TRPC4: variants seen among roughly 807,000 people sequenced by gnomAD.
TRPC4 encodes the protein transient receptor potential cation channel subfamily C member 4.
A neutral mutation model predicts 99.4 loss-of-function variants in TRPC4; 49 were observed. The ratio of observed to expected loss-of-function variants is 0.49; its 90% confidence interval spans 0.39 to 0.63. The LOEUF (loss-of-function observed/expected upper bound fraction) is 0.63, where lower values mean the gene tolerates loss of function less well. Among genes scored for constraint, TRPC4 ranks in the 20% least tolerant of loss-of-function variants. The pLI, the probability that TRPC4 is intolerant of heterozygous loss-of-function variation, is 0.00. For synonymous variants in TRPC4, 454 were observed against 425.9 expected (o/e 1.07, Z -0.81); for missense variants, 898 against 1,152.9 (o/e 0.78, Z 3.20).
intron 1 of TRPC4, among the ~76,000 whole-genome samples, chr13:37,822,721 C>T (rs1267089553): frequency 6.6e-6 from 1 of 152,048 alleles, no homozygotes; most frequent in African/African-American, 2.4e-5. Flanking sequence ...AATAATGCCG[C>T]AATGAACATA....
At chr13:37,706,946 T>C (rs1349407787) in intron 3 of TRPC4, among the ~76,000 whole-genome samples, 1 of 152,128 alleles carries the variant, frequency 6.6e-6, no homozygotes, top group East Asian at 1.9e-4. Context: ...TGATACTATT[T>C]AAAATATAAT....
intron 1 of TRPC4, among the ~76,000 whole-genome samples, chr13:37,855,588 G>T (rs1959166529): frequency 1.3e-5 from 2 of 151,628 alleles, no homozygotes; most frequent in African/African-American, 4.8e-5. Context: ...TACATTCCTT[G>T]CTTCAGCCCA....
In TRPC4 at chr13:37,637,583, C is replaced by T; in HGVS notation, c.2254G>A (p.Gly752Arg). 8 of 1,603,086 alleles carry T rather than the reference C, an allele frequency of 5.0e-6. No individual in the cohort carries two copies. Among genetic ancestry groups the T allele is most frequent in the Non-Finnish European group, 6.8e-6 (8 of 1,176,648 alleles). ...GAAAGTTTGCTTCCTCTTAGTAATCCCAGGACTTCAAAGCGGAAACTAGAA... is the reference window on the plus strand; with the variant it reads ...GAAAGTTTGCTTCCTCTTAGTAATCTCAGGACTTCAAAGCGGAAACTAGAA... ...DISSFRFEVL[G>R]LLRGSKLSTI... The change falls in exon 11 of 11, where the codon GGA (glycine) becomes AGA (arginine). Residue 752 changes from glycine to arginine, a missense_variant. Gly to Arg is a moderately radical substitution (Grantham distance 125, BLOSUM62 -2). Around this residue, in one of 3 missense-constraint regions of TRPC4, gnomAD observed 346 missense variants for 351.4 expected, o/e 0.98. Transcript: ENST00000379705.
At chr13:37,724,948 TAAC>T (rs1954995693) in intron 3 of TRPC4, among the ~76,000 whole-genome samples, 1 of 152,090 alleles carries the variant, frequency 6.6e-6, no homozygotes, top group Non-Finnish European at 1.5e-5. Context: ...AAATACTTGA[TAAC>T]AAAGACTTTA....
At chr13:37,756,148 A>G (rs1956090348) in intron 2 of TRPC4, among the ~76,000 whole-genome samples, 1 of 152,182 alleles carries the variant, frequency 6.6e-6, no homozygotes, top group Non-Finnish European at 1.5e-5. Flanking sequence ...ATTTATATAC[A>G]TATGTGTGTA....
intron 8 of TRPC4, among the ~76,000 whole-genome samples, chr13:37,639,760 T>TATATATAA (rs1343272989): frequency 2.7e-5 from 4 of 150,696 alleles, no homozygotes; most frequent in Non-Finnish European, 5.9e-5. Context: ...TATATATATA[T>TATATATAA]AATATCAATC....
chr13:37,815,042 A>AT (rs988332585), intron 1 of TRPC4, among the ~76,000 whole-genome samples: 12 of 151,666 alleles, frequency 7.9e-5, no homozygotes, highest in Non-Finnish European at 1.5e-4. Flanking sequence ...TGATCAGTTG[A>AT]TTTTTTTTAC....
chr13:37,664,452 T>A (rs1361161406), intron 5 of TRPC4, among the ~76,000 whole-genome samples: 1 of 151,946 alleles, frequency 6.6e-6, no homozygotes, highest in Non-Finnish European at 1.5e-5. Flanking sequence ...CGGGCACCTG[T>A]AATCCCAGCT....
At chr13:37,798,873 TC>T (rs1324877942) in intron 1 of TRPC4, among the ~76,000 whole-genome samples, 1 of 152,088 alleles carries the variant, frequency 6.6e-6, no homozygotes, top group Non-Finnish European at 1.5e-5. Context: ...ATAGCTATCT[TC>T]TTTAGTATTT....
chr13:37,735,479 A>G (rs1955367737), intron 3 of TRPC4, among the ~76,000 whole-genome samples: 1 of 152,168 alleles, frequency 6.6e-6, no homozygotes, highest in Non-Finnish European at 1.5e-5. Flanking sequence ...AGAGAAAATA[A>G]CCTTGAAGTA....
At chr13:37,814,346 A>G (rs1957784985) in intron 1 of TRPC4, among the ~76,000 whole-genome samples, 1 of 151,564 alleles carries the variant, frequency 6.6e-6, no homozygotes, top group Non-Finnish European at 1.5e-5. Flanking sequence ...TAAGGGAAAA[A>G]AAAGGTATCA....
chr13:37,721,821 C>A (rs1314250968), intron 3 of TRPC4, among the ~76,000 whole-genome samples: 1 of 151,902 alleles, frequency 6.6e-6, no homozygotes, highest in Non-Finnish European at 1.5e-5. Flanking sequence ...TATGGGTATA[C>A]ACATGGAGTT....
At chr13:37,829,963 AGT>A (rs763760672) in intron 1 of TRPC4, among the ~76,000 whole-genome samples, 61 of 152,170 alleles carry the variant, frequency 4.0e-4, no homozygotes, top group Non-Finnish European at 7.2e-4. Context: ...AAAGTAGATC[AGT>A]GATTGCCAGG....
At chr13:37,764,754 G>GT (rs1286421340) in intron 2 of TRPC4, among the ~76,000 whole-genome samples, 6 of 140,930 alleles carry the variant, frequency 4.3e-5, no homozygotes, top group Admixed American at 7.1e-5. Flanking sequence ...GTTTGCTAAA[G>GT]TTTTTTTTGT....
chr13:37,737,864 T>C (rs1385741908), intron 3 of TRPC4, among the ~76,000 whole-genome samples: 2 of 152,162 alleles, frequency 1.3e-5, no homozygotes, highest in African/African-American at 2.4e-5. Flanking sequence ...ACAGTTCTTA[T>C]ACCCTTAGAT....
At chr13:37,782,814 T>A (rs1956872965) in intron 2 of TRPC4, 142 bp downstream of exon 2, 1 of 811,208 alleles carries the variant, frequency 1.2e-6, no homozygotes, top group Non-Finnish European at 1.8e-6. Context: ...AGTTTTCTGT[T>A]ATAATATAGT....
chr13:37,699,753 C>T (rs1005942749), intron 3 of TRPC4, among the ~76,000 whole-genome samples: 12 of 152,182 alleles, frequency 7.9e-5, no homozygotes, highest in Non-Finnish European at 1.3e-4. Flanking sequence ...ATTACAGGGG[C>T]ATGACATTTG....
chr13:37,830,803 G>GTA (rs148590771), intron 1 of TRPC4, among the ~76,000 whole-genome samples: 2,081 of 146,122 alleles, frequency 0.014, 24 homozygotes, highest in African/African-American at 0.028. Context: ...TATATTTTTT[G>GTA]TATATATATA....
intron 1 of TRPC4, among the ~76,000 whole-genome samples, chr13:37,844,006 C>G (rs952355534): frequency 6.6e-6 from 1 of 152,162 alleles, no homozygotes; most frequent in Non-Finnish European, 1.5e-5. Flanking sequence ...CCCACAGTTT[C>G]TACAGTAGGA....
Sources: allele counts gnomAD v4.1 joint callset (sites outside exome capture counted in the v4.1 genomes callset), GRCh38; gene constraint gnomAD v4.1.1; regional missense constraint gnomAD v4.1.1; transcripts MANE v1.5; gene names NCBI Gene and HGNC (gene_info 2026-07-23, HGNC 2026-07-21).